RBFOX3: variants seen among roughly 807,000 people sequenced by gnomAD.
RBFOX3 encodes RNA binding protein fox-1 homolog 3.
A neutral mutation model predicts 48.7 loss-of-function variants in RBFOX3; 17 were observed. The observed-to-expected ratio is 0.35, with a 90% CI of 0.24 to 0.52. The LOEUF is 0.52. Among genes scored for constraint, RBFOX3 ranks in the 20% least tolerant of loss-of-function variants. The pLI is 0.94. For missense variants in RBFOX3, 382 were observed against 497.5 expected, an observed-to-expected ratio of 0.77 and a Z score of 2.21; for synonymous variants, 212 against 209.5, an observed-to-expected ratio of 1.01 and a Z score of -0.10.
chr17:79,424,613 C>G (rs982508454), intron 2 of RBFOX3, among the ~76,000 whole-genome samples: 3 of 152,232 alleles, frequency 2.0e-5, no homozygotes, highest in South Asian at 2.1e-4. Context: ...CCCCCTCCCC[C>G]ACCAGGCTTC....
At chr17:79,154,479 T>G (rs1227044106) in intron 4 of RBFOX3, among the ~76,000 whole-genome samples, 1 of 152,130 alleles carries the variant, frequency 6.6e-6, no homozygotes, top group African/African-American at 2.4e-5. Context: ...AGTGAGTGCC[T>G]AAGTGGACGA....
At chr17:79,297,739 C>T (rs1186631885) in intron 3 of RBFOX3, among the ~76,000 whole-genome samples, 1 of 152,180 alleles carries the variant, frequency 6.6e-6, no homozygotes, top group Non-Finnish European at 1.5e-5. Flanking sequence ...TTGGGGGTGG[C>T]CCTCAGGAAG....
chr17:79,185,883 T>C (rs2053293919), intron 4 of RBFOX3, among the ~76,000 whole-genome samples: 1 of 152,236 alleles, frequency 6.6e-6, no homozygotes, highest in Non-Finnish European at 1.5e-5. Context: ...TCAAGTTCTC[T>C]GCCCTGGAGT....
At chr17:79,572,700 T>C (rs2092718503) in intron 1 of RBFOX3, among the ~76,000 whole-genome samples, 1 of 152,218 alleles carries the variant, frequency 6.6e-6, no homozygotes, top group Non-Finnish European at 1.5e-5. Context: ...GATTACTTTA[T>C]GGCCTACAGC....
At chr17:79,608,057 GC>G (rs1261781746) in intron 1 of RBFOX3, among the ~76,000 whole-genome samples, 1 of 152,184 alleles carries the variant, frequency 6.6e-6, no homozygotes, top group African/African-American at 2.4e-5. Flanking sequence ...GAGGGCGGCC[GC>G]CCGCAGCGCC....
In RBFOX3 at chr17:79,481,533, G is replaced by A. The variant is rs1009533286; in HGVS notation, c.-175+921C>T. ...GGCAACTCACAGGGACCCGTAGGAA[G>A]CTTCAAGTGTGAGGCTGGCCGTGCA... On this transcript the variant is annotated intron_variant, in intron 2 of 14. Coordinates refer to ENST00000693108, the MANE Select transcript of RBFOX3 (RefSeq NM_001350451.2). This position sits in a 1 kb window ranked among gnomAD's most constrained non-coding sequence, Gnocchi z 5.4. 2.0e-5 allele frequency among the ~76,000 whole-genome samples: 3 copies of A among 152,148 alleles called. No homozygotes were observed. The highest frequency in any genetic ancestry group is 4.4e-5 in the Non-Finnish European group (3 of 68,024).
At chr17:79,547,485 C>G (rs2090606885) in intron 1 of RBFOX3, among the ~76,000 whole-genome samples, 2 of 152,116 alleles carry the variant, frequency 1.3e-5, no homozygotes, top group African/African-American at 4.8e-5. Context: ...AAAACTGTTG[C>G]TTGTGGAAGG....
chr17:79,249,010 G>A lies in RBFOX3; in HGVS notation c.-73-13205C>T, dbSNP rs549978341. On this transcript the variant is annotated intron_variant, in intron 3 of 14. Coordinates refer to ENST00000693108, the MANE Select transcript of RBFOX3 (RefSeq NM_001350451.2). The surrounding 1 kb of genome is among the most constrained non-coding windows in gnomAD (Gnocchi z 4.1). Reference sequence around the variant, plus strand: ...TCTGAGCTGGGACCTGCCTCCATCGGCTGGGATGCGGTGCGGTCTTCCGCC... The same window carrying A: ...TCTGAGCTGGGACCTGCCTCCATCGACTGGGATGCGGTGCGGTCTTCCGCC... 2.0e-5 allele frequency among the ~76,000 whole-genome samples: 3 copies of A among 152,340 alleles called. No individual in the cohort carries two copies. The East Asian group carries it at 5.8e-4, about 29-fold the overall frequency.
intron 4 of RBFOX3, among the ~76,000 whole-genome samples, chr17:79,184,956 C>T (rs931203553): frequency 3.9e-5 from 6 of 152,160 alleles, no homozygotes; most frequent in African/African-American, 1.2e-4. Context: ...CTGCAGGACA[C>T]GTGGCCTGAG....
At chr17:79,589,723 C>T (rs946227869) in intron 1 of RBFOX3, among the ~76,000 whole-genome samples, 20 of 152,248 alleles carry the variant, frequency 1.3e-4, no homozygotes, top group Non-Finnish European at 1.6e-4. Flanking sequence ...GGGTCACATG[C>T]ACCCCGACAC....
intron 4 of RBFOX3, among the ~76,000 whole-genome samples, chr17:79,185,069 C>T (rs2053118112): frequency 6.6e-6 from 1 of 152,042 alleles, no homozygotes; most frequent in Admixed American, 6.5e-5. Flanking sequence ...GGTGCAGGCA[C>T]CTGGGACCAT....
intron 2 of RBFOX3, among the ~76,000 whole-genome samples, chr17:79,464,117 C>G (rs573899350): frequency 6.6e-6 from 1 of 152,368 alleles, no homozygotes; most frequent in Admixed American, 6.5e-5. Flanking sequence ...TTGCTGGACC[C>G]AGACCAGGAA....
rs572933574 is a variant in RBFOX3, at chr17:79,340,837, A to G, written c.-174-33013T>C. Among the ~76,000 whole-genome samples the G allele has an allele frequency of 2.6e-5, 4 of 152,348 alleles. No homozygotes were observed. The South Asian group carries it at 8.3e-4, about 32-fold the overall frequency. ...AGTCAGCATGCCGGAGAGGGCTGGG[A>G]AAGGGTGTATTTATAAACAACTGTG... On this transcript the variant is annotated intron_variant, in intron 2 of 14. Transcript: ENST00000693108.
chr17:79,621,353 C>G, the RBFOX3 span, among the ~76,000 whole-genome samples: 45 of 152,174 alleles, frequency 3.0e-4, no homozygotes, highest in South Asian at 6.2e-4. Context: ...AGGGCTTGAT[C>G]CAAGCTGGGG....
At chr17:79,376,363 G>A (rs59205263) in intron 2 of RBFOX3, among the ~76,000 whole-genome samples, 154 of 152,272 alleles carry the variant, frequency 1.0e-3, no homozygotes, top group African/African-American at 3.6e-3. Context: ...CAAAGAGGAG[G>A]TGTGGGTGGA....
At chr17:79,094,194 C>A (rs1380056369) in intron 14 of RBFOX3, 1 of 422,944 alleles carries the variant, frequency 2.4e-6, no homozygotes, top group South Asian at 7.5e-5. Flanking sequence ...GGAAACGGAT[C>A]AGGCACATTG....
chr17:79,135,347 C>G (rs754692864), intron 4 of RBFOX3, among the ~76,000 whole-genome samples: 2 of 152,204 alleles, frequency 1.3e-5, no homozygotes, highest in South Asian at 4.1e-4. Flanking sequence ...AAGTGCTGTC[C>G]TCTCATAAGG....
At chr17:79,292,528 T>G (rs978870125) in intron 3 of RBFOX3, among the ~76,000 whole-genome samples, 1 of 151,746 alleles carries the variant, frequency 6.6e-6, no homozygotes, top group Non-Finnish European at 1.5e-5. Context: ...TAGTCTATAA[T>G]GGAACATGTT....
intron 1 of RBFOX3, among the ~76,000 whole-genome samples, chr17:79,490,894 G>A (rs1426354634): frequency 6.6e-6 from 1 of 150,956 alleles, no homozygotes; most frequent in African/African-American, 2.4e-5. Flanking sequence ...ACATGCTTGA[G>A]TGAGTGCATG....
Sources: allele counts gnomAD v4.1 joint callset (sites outside exome capture counted in the v4.1 genomes callset), GRCh38; gene constraint gnomAD v4.1.1; non-coding constraint Gnocchi (gnomAD v3.1); transcripts MANE v1.5; gene names NCBI Gene and HGNC (gene_info 2026-07-23, HGNC 2026-07-21).